The following MMP26 variants were observed in gnomAD, a reference collection of about 807,000 sequenced individuals.
MMP26 encodes the protein matrix metalloproteinase-26.
A neutral mutation model predicts 31.0 loss-of-function variants in MMP26; 33 were observed. The observed-to-expected ratio is 1.06, with a 90% confidence interval of 0.81 to 1.42. MMP26 has a LOEUF of 1.42. Ranked by LOEUF, MMP26 falls within the 40% of genes most tolerant of loss-of-function variation. MMP26 has a pLI of 0.00. For missense variants in MMP26, 347 were observed against 316.1 expected, an observed-to-expected ratio of 1.10 and a Z score of -0.74; for synonymous variants, 122 against 114.9, an observed-to-expected ratio of 1.06 and a Z score of -0.40.
At chr11:4,984,991 A>G (rs1033147162) in intron 2 of MMP26, among the ~76,000 whole-genome samples, 6 of 152,094 alleles carry the variant, frequency 3.9e-5, no homozygotes, top group African/African-American at 1.4e-4. Flanking sequence ...CAAAACTACT[A>G]TAGATTTTGA....
intron 1 of MMP26, among the ~76,000 whole-genome samples, chr11:4,747,685 A>T (rs1258625772): frequency 3.3e-5 from 5 of 152,276 alleles, no homozygotes; most frequent in African/African-American, 1.2e-4. Flanking sequence ...AGAGAACTCT[A>T]AGGAAACTGA....
At chr11:4,800,923 G>A (rs1849172506) in intron 2 of MMP26, among the ~76,000 whole-genome samples, 1 of 150,474 alleles carries the variant, frequency 6.6e-6, no homozygotes, top group Admixed American at 6.6e-5. Flanking sequence ...TCTTTGCTCG[G>A]GTGCAACACA....
chr11:4,840,159 T>C (rs770591189), intron 2 of MMP26, among the ~76,000 whole-genome samples: 5 of 152,114 alleles, frequency 3.3e-5, no homozygotes, highest in Admixed American at 6.5e-5. Flanking sequence ...AGCTGCAGTA[T>C]AATAGAACAC....
chr11:4,743,301 A>C (rs1168390922), intron 1 of MMP26, among the ~76,000 whole-genome samples: 2 of 152,168 alleles, frequency 1.3e-5, no homozygotes, highest in African/African-American at 4.8e-5. Flanking sequence ...TACTCTATTT[A>C]AAACTCATTT....
chr11:4,868,316 A>AC (rs1471782046), intron 2 of MMP26, among the ~76,000 whole-genome samples: 2 of 151,948 alleles, frequency 1.3e-5, no homozygotes, highest in African/African-American at 4.8e-5. Context: ...CCTTTAGAAA[A>AC]CCCCATCGTC....
At chr11:4,849,484 G>GT (rs950388357) in intron 2 of MMP26, among the ~76,000 whole-genome samples, 6 of 152,020 alleles carry the variant, frequency 3.9e-5, no homozygotes, top group Non-Finnish European at 8.8e-5. Flanking sequence ...GTTTTCACAT[G>GT]TTTTTTTAGC....
chr11:4,914,184 GC>G (rs1251409275), intron 2 of MMP26: 1 of 153,696 alleles, frequency 6.5e-6, no homozygotes, highest in Non-Finnish European at 1.4e-5. Context: ...TAAGGTCTCA[GC>G]CTTAGCTGAG....
chr11:4,881,884 G>A, intron 2 of MMP26: 1 of 1,601,616 alleles, frequency 6.2e-7, no homozygotes, highest in Non-Finnish European at 8.6e-7. Context: ...TCATAGTTCA[G>A]TGTCTTCAAC....
In MMP26 at chr11:4,982,757, T is replaced by C. The variant is rs186374830; in HGVS notation, c.-144-5311T>C. 2.9e-3 allele frequency among the ~76,000 whole-genome samples: 437 copies of C among 152,328 alleles called. 1 individual carries two copies. The highest frequency in any genetic ancestry group is 0.01 in the African/African-American group (422 of 41,578). On this transcript the variant is annotated intron_variant, in intron 2 of 7. Transcript: ENST00000380390. Reference sequence around the variant, plus strand: ...TTAAATCCCTACGGGATCCATTTCTTACTTCACTCTCTGTTCTTATCTGTA... The same window carrying C: ...TTAAATCCCTACGGGATCCATTTCTCACTTCACTCTCTGTTCTTATCTGTA...
At chr11:4,930,619 A>AG (rs1186374481) in intron 2 of MMP26, among the ~76,000 whole-genome samples, 1 of 152,106 alleles carries the variant, frequency 6.6e-6, no homozygotes. Context: ...AAAACAAAAT[A>AG]GACGTCTTTA....
intron 2 of MMP26, among the ~76,000 whole-genome samples, chr11:4,970,521 G>C (rs2133630279): frequency 6.6e-6 from 1 of 152,316 alleles, no homozygotes; most frequent in South Asian, 2.1e-4. Flanking sequence ...TGTACAGGGA[G>C]TTCAAGTGAG....
At chr11:4,947,101 G>C (rs1327043169) in intron 2 of MMP26, 9 of 1,395,534 alleles carry the variant, frequency 6.4e-6, no homozygotes, top group Non-Finnish European at 8.0e-6. Context: ...TAATGGACAT[G>C]ATTCATTCAT....
intron 2 of MMP26, among the ~76,000 whole-genome samples, chr11:4,776,149 G>C (rs1216107719): frequency 2.0e-5 from 3 of 152,042 alleles, no homozygotes; most frequent in Non-Finnish European, 4.4e-5. Context: ...TGACCAAGTA[G>C]TATTCCATTG....
Position 4,988,148 on chromosome 11 carries a change from A to G in MMP26, c.-64A>G. ...GTCATTGGATGTTGCTGGCACAGCT[A>G]TAAAGATCCAGTGGCCCAAGTTGTG... On this transcript the variant is annotated 5_prime_UTR_variant, in exon 3 of 8. Transcript: ENST00000380390. 2.1e-6 allele frequency: 3 copies of G among 1,417,732 alleles called. No individual in the cohort carries two copies. Among genetic ancestry groups the G allele is most frequent in the Non-Finnish European group, 1.0e-6 (1 of 1,001,126 alleles). 87.8% of individuals were successfully genotyped at this position (1,417,732 alleles called of 1,614,324 possible).
intron 2 of MMP26, among the ~76,000 whole-genome samples, chr11:4,817,406 G>A (rs1022472392): frequency 6.6e-6 from 1 of 152,036 alleles, no homozygotes; most frequent in African/African-American, 2.4e-5. Context: ...CAATGTAATG[G>A]GGCCCCTTCT....
chr11:4,768,860 G>T, intron 2 of MMP26: 1 of 525,902 alleles, frequency 1.9e-6, no homozygotes, highest in Non-Finnish European at 3.3e-6. Flanking sequence ...TTTACTATTT[G>T]TTTGGTGAAT....
chr11:4,926,718 A>G (rs770864514), intron 2 of MMP26, among the ~76,000 whole-genome samples: 2 of 152,166 alleles, frequency 1.3e-5, no homozygotes, highest in African/African-American at 2.4e-5. Flanking sequence ...TAGTCCTTGC[A>G]TATTATATTT....
At chr11:4,957,269 G>A (rs1374873834) in intron 2 of MMP26, among the ~76,000 whole-genome samples, 1 of 152,150 alleles carries the variant, frequency 6.6e-6, no homozygotes, top group Non-Finnish European at 1.5e-5. Context: ...TGAAGAAAAT[G>A]TGTTTACATC....
intron 2 of MMP26, among the ~76,000 whole-genome samples, chr11:4,788,960 G>A (rs948640127): frequency 3.3e-5 from 5 of 152,070 alleles, no homozygotes; most frequent in Non-Finnish European, 5.9e-5. Flanking sequence ...ATTACCTAAC[G>A]CATGAGTTCC....
Sources: allele counts gnomAD v4.1 joint callset (sites outside exome capture counted in the v4.1 genomes callset), GRCh38; gene constraint gnomAD v4.1.1; transcripts MANE v1.5; gene names NCBI Gene and HGNC (gene_info 2026-07-23, HGNC 2026-07-21).